The following DNAJC17 variants were observed in gnomAD, a reference collection of about 807,000 sequenced individuals.
DNAJC17 encodes the protein dnaJ homolog subfamily C member 17.
DNAJC17 carries 35 observed loss-of-function variants against 48.1 expected under a neutral mutation model. The observed-to-expected ratio is 0.73, with a 90% CI of 0.56 to 0.96. The LOEUF (loss-of-function observed/expected upper bound fraction) is 0.96, where lower values mean the gene tolerates loss of function less well. DNAJC17 is among the 50% of genes least tolerant of loss of function. The probability of loss-of-function intolerance (pLI) is 0.00; values close to 1 mark genes in which losing one functional copy is unlikely to be tolerated. For missense variants in DNAJC17, 355 were observed against 377.1 expected (o/e 0.94, Z 0.48); for synonymous variants, 117 against 142.7 (o/e 0.82, Z 1.28).
intron 1 of DNAJC17, among the ~76,000 whole-genome samples, chr15:40,789,901 C>T (rs137937031): frequency 6.6e-5 from 1 of 15,192 alleles, no homozygotes; most frequent in Non-Finnish European, 1.2e-4. Flanking sequence ...GACAGACTGT[C>T]TCAAAAAAAA....
chr15:40,774,955 T>C, intron 8 of DNAJC17, 76 bp downstream of exon 8: 3 of 1,488,406 alleles, frequency 2.0e-6, no homozygotes, highest in African/African-American at 1.4e-5. Flanking sequence ...GTTCAGGCAT[T>C]GAGAGCAGAG....
chr15:40,798,821 T>A (rs531102425), intron 1 of DNAJC17, among the ~76,000 whole-genome samples: 1 of 152,286 alleles, frequency 6.6e-6, no homozygotes, highest in South Asian at 2.1e-4. Flanking sequence ...TTCCTGAGAT[T>A]ACTTTGGAAT....
At chr15:40,797,779 T>C (rs1337376245) in intron 1 of DNAJC17, among the ~76,000 whole-genome samples, 2 of 141,946 alleles carry the variant, frequency 1.4e-5, no homozygotes, top group African/African-American at 2.7e-5. Flanking sequence ...TGGAGGGCAG[T>C]AGCACAATCT....
At position 40,767,587 on chromosome 15, in the gene DNAJC17, G is replaced by A. The variant is rs73398513; in HGVS notation, c.*353C>T. On this transcript the variant is annotated 3_prime_UTR_variant, in exon 11 of 11. Coordinates refer to ENST00000220496, the MANE Select transcript of DNAJC17 (RefSeq NM_018163.3). ...TGCCCTCCTGCTTCGGGCCTGGGCC[G>A]AGGGCCTTGTGTAGGCCATGTTCCT... is the stretch of plus-strand genomic sequence containing the variant. The A allele has an allele frequency of 0.041, 24,543 of 595,838 alleles. 2,096 individuals are homozygous for A. Among genetic ancestry groups the A allele is most frequent in the African/African-American group, 0.27 (13,849 of 51,750 alleles). The allele number at this position is 595,838 out of a possible 1,614,324, so 36.9% of individuals were successfully genotyped here. A position where few individuals can be genotyped will look rare whatever the true frequency, so the allele number is the denominator to read the frequency against.
At chr15:40,781,838 C>T (rs1337700052) in intron 1 of DNAJC17, among the ~76,000 whole-genome samples, 1 of 152,008 alleles carries the variant, frequency 6.6e-6, no homozygotes, top group Non-Finnish European at 1.5e-5. Flanking sequence ...AGGAGAATCG[C>T]TTGAACCTGG....
chr15:40,771,681 C>T (rs573207942), intron 10 of DNAJC17: 48 of 169,890 alleles, frequency 2.8e-4, no homozygotes, highest in Non-Finnish European at 5.6e-4. Flanking sequence ...TCCAAATGCC[C>T]GGTGGCCACA....
rs751597364 is a variant in DNAJC17 at position 40,765,919 on chromosome 15, C to T, written c.*2021G>A. 3.9e-6 allele frequency: 6 copies of T among 1,531,914 alleles called. No individual in the cohort carries two copies. In the South Asian group the frequency reaches 5.8e-5, roughly 15 times the overall value. 94.9% of individuals were successfully genotyped at this position (1,531,914 alleles called of 1,614,324 possible). A position where few individuals can be genotyped will look rare whatever the true frequency, so the allele number is the denominator to read the frequency against. The stretch of plus-strand genomic sequence containing the variant: ...CAAAGAGAAGAGCCTTGGGAAACAA[C>T]TTGTAAGTAGCAGCCTCCCTCAGTA... On this transcript the variant is annotated 3_prime_UTR_variant, in exon 11 of 11. Coordinates refer to ENST00000220496, the MANE Select transcript of DNAJC17 (RefSeq NM_018163.3).
chr15:40,770,911 C>T lies in DNAJC17; in HGVS notation c.792+2816G>A. The T allele has an allele frequency of 6.4e-7, 1 of 1,551,548 alleles. No homozygotes were observed. Among genetic ancestry groups the T allele is most frequent in the Non-Finnish European group, 8.7e-7 (1 of 1,147,000 alleles). On this transcript the variant is annotated intron_variant, in intron 10 of 10. Coordinates refer to ENST00000220496, the MANE Select transcript of DNAJC17 (RefSeq NM_018163.3). This position sits in a 1 kb window ranked among gnomAD's most constrained non-coding sequence, Gnocchi z 5.0. ...ACTCCCTGCTTCCAGAGGACACCTA[C>T]CCCAGACCTCAGTGATCCCTTCCTC...
At chr15:40,792,883 T>C (rs866700841) in intron 1 of DNAJC17, among the ~76,000 whole-genome samples, 9 of 150,442 alleles carry the variant, frequency 6.0e-5, no homozygotes, top group African/African-American at 1.7e-4. Flanking sequence ...TAAATGACCA[T>C]GAAGATCCCT....
intron 10 of DNAJC17, among the ~76,000 whole-genome samples, 181 bp from the exon 11 acceptor site, chr15:40,768,243 G>A (rs1889011412): frequency 6.6e-6 from 1 of 152,206 alleles, no homozygotes; most frequent in Non-Finnish European, 1.5e-5. Flanking sequence ...CCCAGAACAC[G>A]CCACCTTTGG....
In DNAJC17 at chr15:40,766,111, G is replaced by A; in HGVS notation, c.*1829C>T. 1 of 423,946 alleles carries A rather than the reference G, an allele frequency of 2.4e-6. No individual in the cohort carries two copies. Among genetic ancestry groups the A allele is most frequent in the Non-Finnish European group, 4.3e-6 (1 of 234,834 alleles). 26.3% of individuals were successfully genotyped at this position (423,946 alleles called of 1,614,324 possible). A position where few individuals can be genotyped will look rare whatever the true frequency, so the allele number is the denominator to read the frequency against. Reference sequence around the variant, plus strand: ...CCAACATCCCCCCTCTCCCCCACGAGGCTTGCTCTGAAAGCTTTCCACATC... The same window carrying A: ...CCAACATCCCCCCTCTCCCCCACGAAGCTTGCTCTGAAAGCTTTCCACATC... On this transcript the variant is annotated 3_prime_UTR_variant, in exon 11 of 11. Coordinates refer to ENST00000220496, the MANE Select transcript of DNAJC17 (RefSeq NM_018163.3).
intron 1 of DNAJC17, among the ~76,000 whole-genome samples, chr15:40,800,425 T>C (rs1393562263): frequency 3.3e-5 from 5 of 152,064 alleles, no homozygotes; most frequent in African/African-American, 9.7e-5. Context: ...CATCTTTTCA[T>C]GTGTTTATTG....
intron 10 of DNAJC17, chr15:40,771,334 G>A: frequency 2.4e-6 from 1 of 422,014 alleles, no homozygotes; most frequent in Non-Finnish European, 4.5e-6. Flanking sequence ...GGAAAGGGAG[G>A]CTCTGTGCGG....
At position 40,766,328 on chromosome 15, in the gene DNAJC17, C is replaced by T. The variant is rs1888948621; in HGVS notation, c.*1612G>A. On this transcript the variant is annotated 3_prime_UTR_variant, in exon 11 of 11. Transcript: ENST00000220496. The stretch of plus-strand genomic sequence containing the variant: ...GAAGCAGGGAGCAGGGAGCCTGCGT[C>T]CTACCTCCAGGGTGGCTGCTGCCTG... 1 of 154,212 alleles carries T rather than the reference C, an allele frequency of 6.5e-6. No homozygotes were observed. The highest frequency in any genetic ancestry group is 2.1e-4 in the South Asian group (1 of 4,866). 9.6% of individuals were successfully genotyped at this position (154,212 alleles called of 1,614,324 possible).
rs547611757 is a variant in DNAJC17 at position 40,781,687 on chromosome 15, C to G, written c.79-1690G>C. 1.5e-4 allele frequency among the ~76,000 whole-genome samples: 22 copies of G among 151,652 alleles called. No individual in the cohort carries two copies. In the East Asian group the frequency reaches 4.3e-3, roughly 29 times the overall value. Reference sequence around the variant, plus strand: ...CTGTAATCCCAGCACTTTGGGAGGCCGAGACAGGTGGATCACGAGGTCAGG... The same window carrying G: ...CTGTAATCCCAGCACTTTGGGAGGCGGAGACAGGTGGATCACGAGGTCAGG... On this transcript the variant is annotated intron_variant, in intron 1 of 10. Transcript: ENST00000220496.
chr15:40,798,931 G>C (rs1890004691), intron 1 of DNAJC17, among the ~76,000 whole-genome samples: 1 of 152,022 alleles, frequency 6.6e-6, no homozygotes, highest in African/African-American at 2.4e-5. Flanking sequence ...AGAATTTGGC[G>C]CTTGCTGGCT....
At chr15:40,805,038 T>C (rs1007219248) in intron 1 of DNAJC17, among the ~76,000 whole-genome samples, 3 of 151,626 alleles carry the variant, frequency 2.0e-5, no homozygotes, top group Non-Finnish European at 4.4e-5. Context: ...TTGGATCTTT[T>C]GTGAAATGTC....
At chr15:40,777,809 T>C (rs1217555342) in intron 4 of DNAJC17, among the ~76,000 whole-genome samples, 2 of 152,002 alleles carry the variant, frequency 1.3e-5, no homozygotes, top group Non-Finnish European at 2.9e-5. Flanking sequence ...AGCAATCTTA[T>C]TGGGTTGATG....
At chr15:40,792,335 C>T in intron 1 of DNAJC17, 2 of 481,164 alleles carry the variant, frequency 4.2e-6, no homozygotes, top group Non-Finnish European at 5.4e-6. Flanking sequence ...AACCTCCCTC[C>T]CAGAAAATGT....
Sources: allele counts gnomAD v4.1 joint callset (sites outside exome capture counted in the v4.1 genomes callset), GRCh38; gene constraint gnomAD v4.1.1; non-coding constraint Gnocchi (gnomAD v3.1); transcripts MANE v1.5; gene names NCBI Gene and HGNC (gene_info 2026-07-23, HGNC 2026-07-21).